The following EYA4 variants were observed in gnomAD, a reference collection of about 807,000 sequenced individuals.
EYA4 encodes the protein protein phosphatase EYA4.
EYA4 carries 31 observed loss-of-function variants against 87.9 expected under a neutral mutation model. The observed-to-expected ratio is 0.35, with a 90% CI of 0.27 to 0.48. The LOEUF is 0.48. EYA4 is among the 20% of genes least tolerant of loss of function. EYA4 has a pLI of 0.99. For missense variants in EYA4, 678 were observed against 761.4 expected (o/e 0.89, Z 1.29); for synonymous variants, 263 against 270.6 (o/e 0.97, Z 0.28).
At chr6:133,285,993 C>G (rs1037133927) in intron 2 of EYA4, among the ~76,000 whole-genome samples, 8 of 152,154 alleles carry the variant, frequency 5.3e-5, no homozygotes, top group African/African-American at 1.9e-4. Flanking sequence ...CCCCTCTTTT[C>G]TGGTGCATCT....
intron 14 of EYA4, chr6:133,510,514 A>G: frequency 3.3e-6 from 1 of 299,232 alleles, no homozygotes; most frequent in Non-Finnish European, 6.7e-6. Context: ...TAATGGGTAA[A>G]ATCTCTCCAC....
At chr6:133,490,886 A>T (rs997156002) in intron 13 of EYA4, among the ~76,000 whole-genome samples, 2 of 151,974 alleles carry the variant, frequency 1.3e-5, no homozygotes, top group Non-Finnish European at 2.9e-5. Context: ...AGAACATTTA[A>T]TACAACAACT....
chr6:133,306,834 C>T (rs1188531718), intron 2 of EYA4, among the ~76,000 whole-genome samples: 1 of 152,110 alleles, frequency 6.6e-6, no homozygotes, highest in Non-Finnish European at 1.5e-5. Flanking sequence ...CAGAGATCCT[C>T]AGTAAGAACT....
chr6:133,456,672 C>CT (rs1793935158), intron 6 of EYA4, 24 bp downstream of exon 6: 8 of 1,429,894 alleles, frequency 5.6e-6, no homozygotes, highest in African/African-American at 1.4e-5. Flanking sequence ...CTCGTGTGTC[C>CT]TTACGTACAC....
intron 2 of EYA4, among the ~76,000 whole-genome samples, chr6:133,357,997 A>G (rs1784195893): frequency 6.6e-6 from 1 of 152,128 alleles, no homozygotes; most frequent in Admixed American, 6.6e-5. Context: ...AGTATTGCTA[A>G]GTCTTGCTAC....
intron 2 of EYA4, among the ~76,000 whole-genome samples, chr6:133,308,100 C>G (rs1267816928): frequency 2.0e-5 from 3 of 152,136 alleles, no homozygotes; most frequent in Non-Finnish European, 4.4e-5. Flanking sequence ...ATTGTGAGGC[C>G]TCCCCAGCCA....
At chr6:133,327,238 A>C (rs1268474486) in intron 2 of EYA4, among the ~76,000 whole-genome samples, 1 of 151,998 alleles carries the variant, frequency 6.6e-6, no homozygotes, top group Non-Finnish European at 1.5e-5. Flanking sequence ...CCCAGGTTCA[A>C]GCAGTCCTCC....
chr6:133,446,203 G>A (rs752126351), intron 3 of EYA4, among the ~76,000 whole-genome samples: 2 of 152,090 alleles, frequency 1.3e-5, no homozygotes, highest in Non-Finnish European at 2.9e-5. Context: ...GATCAGTTTA[G>A]GAGGGTGGGT....
At chr6:133,490,949 CAT>C (rs1797098971) in intron 13 of EYA4, among the ~76,000 whole-genome samples, 1 of 152,208 alleles carries the variant, frequency 6.6e-6, no homozygotes, top group South Asian at 2.1e-4. Context: ...TGATAGACCA[CAT>C]GTTAGGCCAC....
At chr6:133,294,316 G>T (rs1420804906) in intron 2 of EYA4, among the ~76,000 whole-genome samples, 3 of 149,984 alleles carry the variant, frequency 2.0e-5, no homozygotes, top group Non-Finnish European at 3.0e-5. Context: ...TAAAGAAAAA[G>T]GATATTCTTG....
At chr6:133,429,045 GC>G (rs1229098043) in intron 3 of EYA4, among the ~76,000 whole-genome samples, 9 of 143,538 alleles carry the variant, frequency 6.3e-5, no homozygotes, top group African/African-American at 1.8e-4. Context: ...TCCTGCCACA[GC>G]CTCCCGAGTA....
chr6:133,439,453 G>T (rs1252621812), intron 3 of EYA4: 1 of 152,126 alleles, frequency 6.6e-6, no homozygotes. Context: ...AGGCAGCTTT[G>T]CAGGCAATAA....
chr6:133,366,439 G>A (rs1334713575), intron 2 of EYA4, among the ~76,000 whole-genome samples: 1 of 152,190 alleles, frequency 6.6e-6, no homozygotes, highest in Admixed American at 6.5e-5. Flanking sequence ...TATATAGACA[G>A]TAGTTAAGGC....
intron 1 of EYA4, among the ~76,000 whole-genome samples, chr6:133,249,220 CATT>C (rs1379721620): frequency 1.3e-5 from 2 of 152,194 alleles, no homozygotes; most frequent in Non-Finnish European, 2.9e-5. Context: ...GAGAGAGAAT[CATT>C]GTAACCAAGG....
In EYA4 at chr6:133,508,006, G is replaced by GT. The variant is rs200270501; in HGVS notation, c.1281+1822dup. On this transcript the variant is annotated intron_variant, in intron 14 of 19. Transcript: ENST00000355286. ...CTCCCACCAACACGCCAGTTAGAAA[G>GT]TTTTTTTTTTTAAATGACAAGGTCT... is the stretch of plus-strand genomic sequence containing the variant. 4.4e-3 allele frequency among the ~76,000 whole-genome samples: 645 copies of GT among 147,420 alleles called. 8 individuals are homozygous for GT. The highest frequency in any genetic ancestry group is 3.8e-3 in the Non-Finnish European group (255 of 66,394).
intron 1 of EYA4, chr6:133,245,076 C>T (rs934331104): frequency 2.6e-5 from 4 of 152,100 alleles, no homozygotes; most frequent in South Asian, 2.1e-4. Flanking sequence ...TATGCTTTCT[C>T]ATTATCATTT....
chr6:133,460,970 G>A (rs991010060), intron 6 of EYA4, 144 bp from the exon 7 acceptor site: 1 of 706,182 alleles, frequency 1.4e-6, no homozygotes, highest in Non-Finnish European at 2.6e-6. Flanking sequence ...AGGAGAAAGT[G>A]TTTAGGCAGC....
intron 1 of EYA4, among the ~76,000 whole-genome samples, chr6:133,254,302 T>C (rs1775162733): frequency 6.6e-6 from 1 of 152,194 alleles, no homozygotes; most frequent in African/African-American, 2.4e-5. Flanking sequence ...ACCCTCAGAA[T>C]TATAGATTTC....
intron 2 of EYA4, among the ~76,000 whole-genome samples, chr6:133,382,090 T>C (rs963632740): frequency 5.3e-5 from 8 of 152,180 alleles, no homozygotes; most frequent in African/African-American, 1.9e-4. Context: ...GAGAACAGTA[T>C]GCTTTCTAGT....
Sources: allele counts gnomAD v4.1 joint callset (sites outside exome capture counted in the v4.1 genomes callset), GRCh38; gene constraint gnomAD v4.1.1; transcripts MANE v1.5; gene names NCBI Gene and HGNC (gene_info 2026-07-23, HGNC 2026-07-21).